TTLL9: variants seen among roughly 807,000 people sequenced by gnomAD.
The protein encoded by TTLL9 is probable tubulin polyglutamylase TTLL9.
TTLL9 carries 47 observed loss-of-function variants against 65.6 expected under a neutral mutation model. The ratio of observed to expected loss-of-function variants is 0.72; its 90% CI spans 0.57 to 0.91. TTLL9 has a LOEUF of 0.91. Ranked by LOEUF, TTLL9 falls within the 40% of genes least tolerant of loss-of-function variation. TTLL9 has a pLI of 0.00. For missense variants in TTLL9, 537 were observed against 568.8 expected (o/e 0.94, Z 0.57); for synonymous variants, 179 against 204.8 (o/e 0.87, Z 1.07).
intron 12 of TTLL9, 90 bp from the exon 13 acceptor site, chr20:31,937,306 G>C: frequency 1.3e-6 from 1 of 791,334 alleles, no homozygotes; most frequent in Non-Finnish European, 2.1e-6. Flanking sequence ...TTGACGGTGG[G>C]GTCCATGCAT....
chr20:31,937,758 G>A (rs1013750475), intron 13 of TTLL9, among the ~76,000 whole-genome samples: 7 of 150,730 alleles, frequency 4.6e-5, no homozygotes, highest in Admixed American at 2.0e-4. Flanking sequence ...GGATTTCCTC[G>A]AAACCTCCTG....
At chr20:31,883,169 A>T (rs2063142131) in intron 2 of TTLL9, among the ~76,000 whole-genome samples, 1 of 151,724 alleles carries the variant, frequency 6.6e-6, no homozygotes, top group Non-Finnish European at 1.5e-5. Context: ...GCTTCAGTGC[A>T]GGGAAAAAAC....
At chr20:31,914,316 CTGGTGAAA>C (rs1568799658) in intron 6 of TTLL9, among the ~76,000 whole-genome samples, 1 of 152,178 alleles carries the variant, frequency 6.6e-6, no homozygotes, top group African/African-American at 2.4e-5. Flanking sequence ...TCTTTGACAT[CTGGTGAAA>C]TGTGTGGACC....
In TTLL9 at chr20:31,943,585, C is replaced by T. The variant is rs1033093946; in HGVS notation, c.*564C>T. 5.4e-6 allele frequency: 2 copies of T among 368,864 alleles called. No homozygotes were observed. The highest frequency in any genetic ancestry group is 5.3e-6 in the Non-Finnish European group (1 of 187,660). 22.8% of individuals were successfully genotyped at this position (368,864 alleles called of 1,614,324 possible). A position where few individuals can be genotyped will look rare whatever the true frequency, so the allele number is the denominator to read the frequency against. On this transcript the variant is annotated 3_prime_UTR_variant, in exon 15 of 15. Transcript: ENST00000535842. ...GGGAAGTACTGAGCCCTAAACACATCCTCTTCTCCTTGCATGTCAGGGGAG... is the reference window on the plus strand; with the variant it reads ...GGGAAGTACTGAGCCCTAAACACATTCTCTTCTCCTTGCATGTCAGGGGAG...
intron 3 of TTLL9, among the ~76,000 whole-genome samples, chr20:31,895,691 C>T (rs1197693121): frequency 6.6e-6 from 1 of 151,822 alleles, no homozygotes; most frequent in Non-Finnish European, 1.5e-5. Flanking sequence ...CACATGCCAC[C>T]ATGCCCGGCT....
At chr20:31,896,999 G>A (rs1600550069) in intron 3 of TTLL9, among the ~76,000 whole-genome samples, 1 of 152,300 alleles carries the variant, frequency 6.6e-6, no homozygotes, top group East Asian at 1.9e-4. Context: ...TACTTCTTGT[G>A]TACTGTCTTT....
In TTLL9 at chr20:31,944,697, C is replaced by T. The variant is rs1293405422; in HGVS notation, c.*1676C>T. 6.6e-6 allele frequency: 1 copy of T among 152,218 alleles called. No individual in the cohort carries two copies. The highest frequency in any genetic ancestry group is 1.5e-5 in the Non-Finnish European group (1 of 68,044). 9.4% of individuals were successfully genotyped at this position (152,218 alleles called of 1,614,324 possible). ...AAATATTTAAAAGGAGATTCAACTT[C>T]ACAACCCATATGTCTAGCTTCTCTT... On this transcript the variant is annotated 3_prime_UTR_variant, in exon 15 of 15. Transcript: ENST00000535842.
At chr20:31,904,765 G>C (rs1469449629) in intron 4 of TTLL9, among the ~76,000 whole-genome samples, 1 of 152,150 alleles carries the variant, frequency 6.6e-6, no homozygotes, top group East Asian at 1.9e-4. Context: ...TGTAGAGAAA[G>C]TTTTTCTCTT....
At chr20:31,939,292 G>A in intron 14 of TTLL9, 26 bp downstream of exon 14, 1 of 1,612,292 alleles carries the variant, frequency 6.2e-7, no homozygotes, top group Non-Finnish European at 8.5e-7. Context: ...TGGGGAGTGG[G>A]CACAAGGGAT....
chr20:31,907,063 AC>A (rs1240584453), intron 4 of TTLL9, among the ~76,000 whole-genome samples: 8 of 152,336 alleles, frequency 5.3e-5, no homozygotes, highest in African/African-American at 1.9e-4. Flanking sequence ...GATCTCCAGA[AC>A]AAAAGTTTGG....
At chr20:31,900,880 G>A (rs1354712894) in intron 4 of TTLL9, among the ~76,000 whole-genome samples, 1 of 152,182 alleles carries the variant, frequency 6.6e-6, no homozygotes, top group Non-Finnish European at 1.5e-5. Flanking sequence ...AATGGGCAGG[G>A]GAAGAGAGTC....
At chr20:31,881,207 T>A (rs1162584755) in intron 2 of TTLL9, among the ~76,000 whole-genome samples, 2 of 152,068 alleles carry the variant, frequency 1.3e-5, no homozygotes, top group Non-Finnish European at 2.9e-5. Flanking sequence ...AAAAAATGAG[T>A]TTATCTGCTT....
intron 6 of TTLL9, among the ~76,000 whole-genome samples, chr20:31,913,796 C>T (rs374852046): frequency 3.3e-5 from 5 of 152,352 alleles, no homozygotes; most frequent in East Asian, 3.9e-4. Flanking sequence ...AACATTGCAT[C>T]GCTCTTAGCT....
At chr20:31,875,353 T>A (rs2063023339) in intron 2 of TTLL9, among the ~76,000 whole-genome samples, 1 of 152,202 alleles carries the variant, frequency 6.6e-6, no homozygotes, top group Non-Finnish European at 1.5e-5. Flanking sequence ...ACTATTATCA[T>A]GGAACAGTTG....
chr20:31,895,315 G>A lies in TTLL9; in HGVS notation c.114-3158G>A, dbSNP rs75697670. Among the ~76,000 whole-genome samples the A allele has an allele frequency of 9.6e-3, 1,464 of 152,298 alleles. 15 individuals carry two copies. Among genetic ancestry groups the A allele is most frequent in the Admixed American group, 0.021 (325 of 15,300 alleles). On this transcript the variant is annotated intron_variant, in intron 3 of 14. Coordinates refer to ENST00000535842, the MANE Select transcript of TTLL9 (RefSeq NM_001008409.5). ...TTGCTAGGTAGGACTTGGAGTCTCG[G>A]AGTTCTTGTTAGGCCCTTGCAGTTT...
chr20:31,888,603 C>T (rs1402027890), intron 3 of TTLL9, among the ~76,000 whole-genome samples: 15 of 152,034 alleles, frequency 9.9e-5, no homozygotes, highest in Admixed American at 9.8e-4. Context: ...TCCCGAGTAG[C>T]TGAAATTACA....
chr20:31,924,303 A>G lies in TTLL9; in HGVS notation c.665-706A>G, dbSNP rs535765903. Among the ~76,000 whole-genome samples, 4 of 152,164 alleles carry G rather than the reference A, an allele frequency of 2.6e-5. No individual in the cohort carries two copies. In the East Asian group the frequency reaches 5.8e-4, roughly 22 times the overall value. On this transcript the variant is annotated intron_variant, in intron 8 of 14. Coordinates refer to ENST00000535842, the MANE Select transcript of TTLL9 (RefSeq NM_001008409.5). ...ATGGCTTCCCATGGATTGTGAGACA[A>G]AACCCCAAAACTGCATGGGACCTGA...
At chr20:31,921,873 A>C (rs59747470) in intron 7 of TTLL9, among the ~76,000 whole-genome samples, 9,981 of 152,216 alleles carry the variant, frequency 0.066, 532 homozygotes, top group African/African-American at 0.14. Context: ...ACCTAATGTA[A>C]ATGACGAGTT....
chr20:31,874,047 G>T lies in TTLL9; in HGVS notation c.69+2852G>T, dbSNP rs2063004606. Reference sequence around the variant, plus strand: ...GTTCCCACTGAGTGCTAAGGGGAAAGATACAAATTACATGTAGGAAAGAAT... The same window carrying T: ...GTTCCCACTGAGTGCTAAGGGGAAATATACAAATTACATGTAGGAAAGAAT... On this transcript the variant is annotated intron_variant, in intron 2 of 14. Transcript: ENST00000535842. 2.0e-5 allele frequency among the ~76,000 whole-genome samples: 3 copies of T among 152,312 alleles called. No homozygotes were observed. The South Asian group carries it at 6.2e-4, about 32-fold the overall frequency.
Sources: allele counts gnomAD v4.1 joint callset (sites outside exome capture counted in the v4.1 genomes callset), GRCh38; gene constraint gnomAD v4.1.1; transcripts MANE v1.5; gene names NCBI Gene and HGNC (gene_info 2026-07-23, HGNC 2026-07-21).